Variants in ZFAT observed in about 807,000 individuals in gnomAD.
ZFAT encodes the protein zinc finger and AT-hook domain containing.
ZFAT carries 64 observed loss-of-function variants against 117.7 expected under a neutral mutation model. The observed-to-expected ratio is 0.54, with a 90% CI of 0.44 to 0.67. The LOEUF (loss-of-function observed/expected upper bound fraction) is 0.67. Ranked by LOEUF, ZFAT falls within the 30% of genes least tolerant of loss-of-function variation. The pLI is 0.00. For missense variants in ZFAT, 1,433 were observed against 1,584.5 expected, an observed-to-expected ratio of 0.90 and a Z score of 1.62; for synonymous variants, 679 against 615.0, an observed-to-expected ratio of 1.10 and a Z score of -1.54.
At chr8:134,796,789 TAATA>T in the ZFAT span, 1 of 152,200 alleles carries the variant, frequency 6.6e-6, no homozygotes. Context: ...CACATATCAT[TAATA>T]AATAAATATA....
chr8:134,509,539 G>A (rs1819654970), intron 15 of ZFAT, 80 bp downstream of exon 15: 1 of 1,590,110 alleles, frequency 6.3e-7, no homozygotes, highest in South Asian at 1.1e-5. Flanking sequence ...GTAAGTTAAA[G>A]ACTTAGAAAC....
intron 11 of ZFAT, among the ~76,000 whole-genome samples, chr8:134,549,547 A>G (rs1044267070): frequency 6.6e-6 from 1 of 151,870 alleles, no homozygotes; most frequent in African/African-American, 2.4e-5. Flanking sequence ...AATGCTCCCC[A>G]CCCCGCAGCA....
Position 134,645,132 on chromosome 8 carries a change from C to A in ZFAT, c.197-7420G>T, listed in dbSNP as rs139033815. Among the ~76,000 whole-genome samples the A allele has an allele frequency of 4.9e-4, 75 of 152,042 alleles. No individual in the cohort carries two copies. In the East Asian group the frequency reaches 9.3e-3, roughly 19 times the overall value. On this transcript the variant is annotated intron_variant, in intron 2 of 15. Transcript: ENST00000377838. ...TTCTGCAGACCACTTCCTACATGAGCAAAAAAGATTAAAAGGCTATAAAAT... is the reference window on the plus strand; with the variant it reads ...TTCTGCAGACCACTTCCTACATGAGAAAAAAAGATTAAAAGGCTATAAAAT...
At chr8:134,820,260 C>T in the ZFAT span, among the ~76,000 whole-genome samples, 9 of 152,186 alleles carry the variant, frequency 5.9e-5, no homozygotes, top group African/African-American at 2.2e-4. Context: ...AACATATTGA[C>T]TGATTCAGCC....
At chr8:134,800,562 T>C in the ZFAT span, 1 of 518,264 alleles carries the variant, frequency 1.9e-6, no homozygotes, top group South Asian at 1.4e-5. Flanking sequence ...AGCCAATCCA[T>C]GTATTACAGC....
At chr8:134,732,071 C>T in the ZFAT span, among the ~76,000 whole-genome samples, 2 of 152,344 alleles carry the variant, frequency 1.3e-5, no homozygotes, top group Middle Eastern at 3.4e-3. Flanking sequence ...CCTCCACAGG[C>T]TTTAAATGCA....
chr8:134,532,754 G>C (rs1026256750), intron 12 of ZFAT, 80 bp downstream of exon 12: 1 of 1,541,644 alleles, frequency 6.5e-7, no homozygotes, highest in South Asian at 1.2e-5. Context: ...TGAACTGCAG[G>C]ATGTCAGCAG....
chr8:134,831,824 G>A, the ZFAT span, among the ~76,000 whole-genome samples: 7 of 152,020 alleles, frequency 4.6e-5, no homozygotes, highest in Admixed American at 2.0e-4. Flanking sequence ...AGGGACGGGG[G>A]CGCCAAAAAA....
chr8:134,701,800 ATTCACCAGCTAATGAGCAT>A (rs1414283758), intron 1 of ZFAT, among the ~76,000 whole-genome samples: 1 of 152,204 alleles, frequency 6.6e-6, no homozygotes, highest in East Asian at 1.9e-4. Flanking sequence ...TTGTTTAGCT[ATTCACCAGCTAATGAGCAT>A]TTGGGCTGGT....
At chr8:134,534,775 A>AGAGAGAGAGAGAGAGAG (rs1821706312) in intron 11 of ZFAT, among the ~76,000 whole-genome samples, 1 of 136,344 alleles carries the variant, frequency 7.3e-6, no homozygotes, top group African/African-American at 2.8e-5. Context: ...GAGAGGGAGA[A>AGAGAGAGAGAGAGAGAG]AGAGAGAGAG....
At chr8:134,510,257 G>T (rs941731141) in intron 14 of ZFAT, 1 of 427,962 alleles carries the variant, frequency 2.3e-6, no homozygotes, top group Non-Finnish European at 4.8e-6. Context: ...TGAAGCTGGG[G>T]GTTCTATTTT....
chr8:134,640,466 A>G (rs955192698), intron 2 of ZFAT, among the ~76,000 whole-genome samples: 6 of 152,304 alleles, frequency 3.9e-5, no homozygotes, highest in Middle Eastern at 3.4e-3. Flanking sequence ...TTGCTGGAGC[A>G]CAGCACAGCG....
chr8:134,667,794 G>A (rs1306431045), intron 1 of ZFAT, among the ~76,000 whole-genome samples: 2 of 152,112 alleles, frequency 1.3e-5, no homozygotes, highest in African/African-American at 4.8e-5. Context: ...CTGAGTGTGA[G>A]CCGAAGCAGG....
At chr8:134,596,375 AT>A (rs1418732331) in intron 7 of ZFAT, among the ~76,000 whole-genome samples, 1 of 152,234 alleles carries the variant, frequency 6.6e-6, no homozygotes, top group Non-Finnish European at 1.5e-5. Context: ...AGTTTTATCC[AT>A]TTCATGGCAG....
chr8:134,784,883 C>T, the ZFAT span: 3 of 152,078 alleles, frequency 2.0e-5, no homozygotes, highest in African/African-American at 7.2e-5. Flanking sequence ...TTTTACAACA[C>T]ATCAATGTGA....
the ZFAT span, among the ~76,000 whole-genome samples, chr8:134,736,336 G>A: frequency 6.6e-6 from 1 of 152,150 alleles, no homozygotes; most frequent in Non-Finnish European, 1.5e-5. Context: ...GACCTTTCAT[G>A]TGCAAAGTAG....
At chr8:134,579,730 C>T (rs184279017) in intron 10 of ZFAT, among the ~76,000 whole-genome samples, 6 of 152,208 alleles carry the variant, frequency 3.9e-5, no homozygotes, top group Admixed American at 6.5e-5. Context: ...GCAGACAGAT[C>T]GCTTGAGGTC....
At chr8:134,490,363 C>T (rs1036168567) in intron 15 of ZFAT, among the ~76,000 whole-genome samples, 2 of 152,232 alleles carry the variant, frequency 1.3e-5, no homozygotes, top group Non-Finnish European at 2.9e-5. Context: ...AGCTTCAAAC[C>T]TCCCCTGGAG....
chr8:134,666,434 G>A (rs1185640854), intron 1 of ZFAT, among the ~76,000 whole-genome samples: 1 of 152,106 alleles, frequency 6.6e-6, no homozygotes, highest in Non-Finnish European at 1.5e-5. Context: ...CCAAGAACCA[G>A]GAAAATATCA....
Sources: gnomAD v4.1 joint callset for allele counts (sites outside exome capture counted in the v4.1 genomes callset) on GRCh38, gnomAD v4.1.1 for gene constraint, MANE v1.5 for transcripts, NCBI Gene and HGNC (gene_info 2026-07-23, HGNC 2026-07-21) for gene names.